The following CNTNAP4 variants were observed in gnomAD, a reference collection of about 807,000 sequenced individuals.
CNTNAP4 encodes contactin-associated protein-like 4.
A neutral mutation model predicts 148.4 loss-of-function variants in CNTNAP4; 98 were observed. That is an observed-to-expected ratio of 0.66 (90% confidence interval 0.56 to 0.78). The LOEUF (loss-of-function observed/expected upper bound fraction) is 0.78, where lower values mean the gene tolerates loss of function less well. Ranked by LOEUF, CNTNAP4 falls within the 30% of genes least tolerant of loss-of-function variation. CNTNAP4 has a pLI of 0.00. For synonymous variants in CNTNAP4, 730 were observed against 565.1 expected, an observed-to-expected ratio of 1.29 and a Z score of -4.14; for missense variants, 1,935 against 1,565.6, an observed-to-expected ratio of 1.24 and a Z score of -3.98.
At chr16:76,502,422 A>G (rs1482049633) in intron 15 of CNTNAP4, among the ~76,000 whole-genome samples, 1 of 150,170 alleles carries the variant, frequency 6.7e-6, no homozygotes, top group Non-Finnish European at 1.5e-5. Context: ...CAGATATAGG[A>G]CTAACAGATA....
intron 3 of CNTNAP4, among the ~76,000 whole-genome samples, chr16:76,404,071 A>G (rs1014925413): frequency 1.1e-4 from 17 of 152,156 alleles, no homozygotes; most frequent in Middle Eastern, 3.2e-3. Flanking sequence ...GATGGAGACG[A>G]GCAGAAAAAT....
intron 3 of CNTNAP4, among the ~76,000 whole-genome samples, chr16:76,370,390 G>A (rs943276679): frequency 2.0e-5 from 3 of 152,146 alleles, no homozygotes; most frequent in African/African-American, 7.2e-5. Flanking sequence ...TGCAAGGACT[G>A]CCCTATAGAA....
chr16:76,400,976 T>C (rs1462794859), intron 3 of CNTNAP4, among the ~76,000 whole-genome samples: 1 of 152,154 alleles, frequency 6.6e-6, no homozygotes, highest in African/African-American at 2.4e-5. Flanking sequence ...TAACATGACG[T>C]CTCCAGCATT....
At chr16:76,373,911 AAAAG>A (rs1441380891) in intron 3 of CNTNAP4, among the ~76,000 whole-genome samples, 6 of 151,546 alleles carry the variant, frequency 4.0e-5, no homozygotes, top group Admixed American at 6.6e-5. Context: ...AAAAAAAAAA[AAAAG>A]AAAAGGAAAG....
intron 2 of CNTNAP4, among the ~76,000 whole-genome samples, chr16:76,333,100 G>C (rs2144267126): frequency 6.6e-6 from 1 of 152,266 alleles, no homozygotes; most frequent in Non-Finnish European, 1.5e-5. Flanking sequence ...TTGTTTTAAG[G>C]TTTATGAGGG....
chr16:76,386,484 C>G (rs970875330), intron 3 of CNTNAP4, among the ~76,000 whole-genome samples: 5 of 152,128 alleles, frequency 3.3e-5, no homozygotes, highest in Admixed American at 3.3e-4. Flanking sequence ...GTTGAATTGC[C>G]TTTATGCTTA....
At chr16:76,338,937 AT>A (rs1220328313) in intron 2 of CNTNAP4, among the ~76,000 whole-genome samples, 3 of 152,204 alleles carry the variant, frequency 2.0e-5, no homozygotes. Context: ...ATCCAGAGTC[AT>A]TCCCAGCATT....
intron 7 of CNTNAP4, among the ~76,000 whole-genome samples, chr16:76,451,599 A>ATGTGTGTGTGTGTGTG (rs71134761): frequency 0.017 from 2,399 of 141,328 alleles, 19 homozygotes; most frequent in African/African-American, 0.024. Flanking sequence ...TTTTAGATAG[A>ATGTGTGTGTGTGTGTG]TGTGTGTGTG....
intron 2 of CNTNAP4, among the ~76,000 whole-genome samples, chr16:76,343,475 C>A (rs1964653840): frequency 6.6e-6 from 1 of 152,124 alleles, no homozygotes; most frequent in South Asian, 2.1e-4. Flanking sequence ...TTTTTCTTGG[C>A]AAATCCAGGG....
At chr16:76,555,370 C>CA (rs112179612) in intron 23 of CNTNAP4, among the ~76,000 whole-genome samples, 44 of 151,978 alleles carry the variant, frequency 2.9e-4, no homozygotes, top group Middle Eastern at 3.4e-3. Context: ...CCAAAACAAA[C>CA]AAAAAAACTC....
chr16:76,342,996 C>T (rs1964606492), intron 2 of CNTNAP4, among the ~76,000 whole-genome samples: 1 of 152,134 alleles, frequency 6.6e-6, no homozygotes. Context: ...GTTTCAGCTG[C>T]CACATTCTCT....
intron 20 of CNTNAP4, 73 bp downstream of exon 20, chr16:76,539,925 G>C: frequency 8.9e-7 from 1 of 1,117,560 alleles, no homozygotes; most frequent in Non-Finnish European, 1.3e-6. Flanking sequence ...GCAGAAATTT[G>C]ATAATGAACA....
intron 3 of CNTNAP4, among the ~76,000 whole-genome samples, chr16:76,413,485 G>T (rs2078869983): frequency 6.6e-6 from 1 of 150,778 alleles, no homozygotes. Context: ...TCTCTGATCT[G>T]TTCCAGTGAT....
Position 76,399,083 on chromosome 16 carries a change from T to C in CNTNAP4, c.391-28369T>C, listed in dbSNP as rs1398203189. ...CTCTTGCCTGCCACCATGTAAGATA[T>C]GCCTTTGCTTCTCCTTTGCCTGCTG... is the stretch of plus-strand genomic sequence containing the variant. On this transcript the variant is annotated intron_variant, in intron 3 of 23. Transcript: ENST00000611870. Among the ~76,000 whole-genome samples the C allele has an allele frequency of 2.0e-5, 3 of 152,144 alleles. No individual in the cohort carries two copies. In the East Asian group the frequency reaches 5.8e-4, roughly 29 times the overall value.
chr16:76,433,558 A>G (rs2079695462), intron 4 of CNTNAP4, among the ~76,000 whole-genome samples: 1 of 152,156 alleles, frequency 6.6e-6, no homozygotes, highest in Non-Finnish European at 1.5e-5. Context: ...ACATATAAAG[A>G]GGACAATTTA....
chr16:76,450,347 G>T (rs1446903157), intron 7 of CNTNAP4, among the ~76,000 whole-genome samples: 1 of 151,998 alleles, frequency 6.6e-6, no homozygotes, highest in Non-Finnish European at 1.5e-5. Context: ...ACAAGGTTTT[G>T]CCATGTTAGC....
rs999373724 is a variant in CNTNAP4, at chr16:76,462,094, A to C, written c.1472A>C (p.Tyr491Ser). The part of the protein sequence containing the change: ...GPEQIYSGGT[Y>S]YFGGCPDKSF... ...GAGCAGATTTATTCGGGTGGCACCT[A>C]TTATTTTGGAGGTAAGAATAGGTGC... is the stretch of plus-strand genomic sequence containing the variant. The change falls in exon 9 of 24, where the codon TAT (tyrosine) becomes TCT (serine). Residue 491 changes from tyrosine (Y) to serine (S), a missense_variant. Transcript: ENST00000611870. 1.2e-6 allele frequency: 2 copies of C among 1,613,174 alleles called. No individual in the cohort carries two copies. Among genetic ancestry groups the C allele is most frequent in the African/African-American group, 1.3e-5 (1 of 75,026 alleles).
At chr16:76,416,620 A>G (rs549187960) in intron 3 of CNTNAP4, among the ~76,000 whole-genome samples, 49 of 151,536 alleles carry the variant, frequency 3.2e-4, no homozygotes, top group Non-Finnish European at 5.9e-4. Context: ...TATGATTTCT[A>G]TTTTTATAAA....
At chr16:76,519,069 C>G (rs1208596425) in intron 15 of CNTNAP4, among the ~76,000 whole-genome samples, 1 of 152,144 alleles carries the variant, frequency 6.6e-6, no homozygotes. Flanking sequence ...GGGTAAAGGG[C>G]TGGGATACCA....
Sources: allele counts gnomAD v4.1 joint callset (sites outside exome capture counted in the v4.1 genomes callset), GRCh38; gene constraint gnomAD v4.1.1; transcripts MANE v1.5; gene names NCBI Gene and HGNC (gene_info 2026-07-23, HGNC 2026-07-21).